The following SET variants were observed in gnomAD, a reference collection of about 807,000 sequenced individuals.
SET encodes the protein SET nuclear proto-oncogene.
Under a neutral mutation model 39.0 loss-of-function variants are expected in SET, and 4 were observed. That is an observed-to-expected ratio of 0.10 (90% CI 0.05 to 0.23). The LOEUF (loss-of-function observed/expected upper bound fraction) is 0.23. SET is among the 10% of genes least tolerant of loss of function. The probability of loss-of-function intolerance (pLI) is 1.00; values close to 1 mark genes in which losing one functional copy is unlikely to be tolerated. For missense variants in SET, 137 were observed against 329.7 expected (o/e 0.42, Z 4.53); for synonymous variants, 114 against 115.9 (o/e 0.98, Z 0.11).
chr9:128,688,811 G>A (rs999927721), upstream of SET, among the ~76,000 whole-genome samples: 22 of 152,304 alleles, frequency 1.4e-4, no homozygotes, highest in African/African-American at 5.3e-4. Flanking sequence ...AGTGGAAGGC[G>A]CCGAGAGGCC....
upstream of SET, among the ~76,000 whole-genome samples, chr9:128,688,700 G>C (rs1861373076): frequency 6.6e-6 from 1 of 152,046 alleles, no homozygotes; most frequent in Non-Finnish European, 1.5e-5. Flanking sequence ...CCTGCGCGCG[G>C]ATTACACAGC....
chr9:128,691,022 C>G (rs986649156), intron 1 of SET, 148 bp from the exon 2 acceptor site: 1 of 725,884 alleles, frequency 1.4e-6, no homozygotes, highest in Non-Finnish European at 2.5e-6. Flanking sequence ...AGAAATTAGT[C>G]AGCTACAAGC....
intron 3 of SET, chr9:128,692,459 C>A: frequency 1.0e-5 from 3 of 288,532 alleles, no homozygotes; most frequent in Admixed American, 5.1e-5. Flanking sequence ...CTACTGCTTT[C>A]TATTCTGTTT....
In SET at chr9:128,691,232, C is replaced by T; in HGVS notation, c.131+5C>T. Reference sequence around the variant, plus strand: ...AGTACAAAATGAAATAGACAGGTAACATTTTTCTTAATATACTTCGGAGAA... The same window carrying T: ...AGTACAAAATGAAATAGACAGGTAATATTTTTCTTAATATACTTCGGAGAA... On this transcript the variant is annotated splice_donor_5th_base_variant and intron_variant, in intron 2 of 7. Coordinates refer to ENST00000322030, the MANE Select transcript of SET (RefSeq NM_003011.4). 2.5e-6 allele frequency: 4 copies of T among 1,578,392 alleles called. No homozygotes were observed. The highest frequency in any genetic ancestry group is 3.5e-6 in the Non-Finnish European group (4 of 1,155,740).
At chr9:128,688,726 C>G (rs1240882315), upstream of SET, among the ~76,000 whole-genome samples, 1 of 152,188 alleles carries the variant, frequency 6.6e-6, no homozygotes, top group Non-Finnish European at 1.5e-5. Context: ...GCTTCGCACA[C>G]GAGCCCGAGT....
chr9:128,692,117 G>C (rs1002899129), intron 3 of SET, 117 bp downstream of exon 3: 2 of 1,245,596 alleles, frequency 1.6e-6, no homozygotes, highest in African/African-American at 1.5e-5. Flanking sequence ...GGCTGGGTGC[G>C]GTGGCGCACC....
intron 1 of SET, chr9:128,690,825 G>A (rs1022148700): frequency 3.8e-6 from 1 of 262,340 alleles, no homozygotes; most frequent in Non-Finnish European, 7.4e-6. Context: ...CTGTTCTCTT[G>A]CAAGTGTATA....
At chr9:128,686,029 C>A (rs550476799), upstream of SET, among the ~76,000 whole-genome samples, 1,494 of 139,924 alleles carry the variant, frequency 0.011, 18 homozygotes, top group East Asian at 0.041. Flanking sequence ...ACAACAACAA[C>A]AAAAAAAAAA....
In SET at chr9:128,691,924, A is replaced by G. The variant is rs372830096; in HGVS notation, c.198A>G (p.Pro66=). 58 of 1,613,676 alleles carry G rather than the reference A, an allele frequency of 3.6e-5. No homozygotes were observed. Among genetic ancestry groups the G allele is most frequent in the Non-Finnish European group, 4.6e-5 (54 of 1,179,834 alleles). Residue 66 remains proline, a synonymous_variant, in exon 3 of 8, where the codon CCA becomes CCG. Coordinates refer to ENST00000322030, the MANE Select transcript of SET (RefSeq NM_003011.4). The stretch of plus-strand genomic sequence containing the variant: ...AGAAATATAACAAACTCCGCCAACC[A>G]TTTTTTCAGAAGAGGTCAGAATTGA... The part of the protein sequence containing the change: ...VEQKYNKLRQ[P]FFQKRSELIA...
chr9:128,687,617 CAAA>C (rs57072661), upstream of SET, among the ~76,000 whole-genome samples: 430 of 79,632 alleles, frequency 5.4e-3, 2 homozygotes, highest in East Asian at 0.038. Context: ...CCTCCCCCAC[CAAA>C]AAAAAAAAAA....
At position 128,696,279 on chromosome 9, in the gene SET, A is replaced by C. The variant is rs1435330249; in HGVS notation, c.*1615A>C. 1.0e-5 allele frequency: 2 copies of C among 197,478 alleles called. No homozygotes were observed. The highest frequency in any genetic ancestry group is 2.3e-5 in the African/African-American group (1 of 43,594). The allele number at this position is 197,478 out of a possible 1,614,324, so 12.2% of individuals were successfully genotyped here. ...TATTCCATCAATAGGCAAAAGTGTAACAACCTATCTAGATGGATAGTATGT... is the reference window on the plus strand; with the variant it reads ...TATTCCATCAATAGGCAAAAGTGTACCAACCTATCTAGATGGATAGTATGT... On this transcript the variant is annotated 3_prime_UTR_variant, in exon 8 of 8. Transcript: ENST00000322030.
At chr9:128,690,776 T>A (rs906233167) in intron 1 of SET, 8 of 213,684 alleles carry the variant, frequency 3.7e-5, no homozygotes, top group Non-Finnish European at 6.7e-5. Flanking sequence ...TGTATCATTG[T>A]CATGGGTTTA....
chr9:128,689,573 G>A lies in SET; in HGVS notation c.-10G>A. ...CCTCCCCGCTCCCCCCCCGACCGCG[G>A]AGCAGCACCATGTCGGCGCCGGCGG... On this transcript the variant is annotated 5_prime_UTR_variant, in exon 1 of 8. Coordinates refer to ENST00000322030, the MANE Select transcript of SET (RefSeq NM_003011.4). 2.2e-6 allele frequency: 3 copies of A among 1,355,356 alleles called. No individual in the cohort carries two copies. Among genetic ancestry groups the A allele is most frequent in the Non-Finnish European group, 2.9e-6 (3 of 1,034,626 alleles). 84.0% of individuals were successfully genotyped at this position (1,355,356 alleles called of 1,614,324 possible).
At chr9:128,688,998 C>T (rs1404077130), upstream of SET, among the ~76,000 whole-genome samples, 1 of 151,588 alleles carries the variant, frequency 6.6e-6, no homozygotes, top group East Asian at 1.9e-4. Flanking sequence ...CGCCAGTGTC[C>T]TGGGTCGGGC....
At chr9:128,689,880 G>C in intron 1 of SET, 1 of 189,988 alleles carries the variant, frequency 5.3e-6, no homozygotes, top group South Asian at 1.7e-4. Flanking sequence ...CGGGGGCGCT[G>C]CGGCCTGCTC....
intron 7 of SET, among the ~76,000 whole-genome samples, chr9:128,694,403 A>ATT (rs1861656048): frequency 6.6e-6 from 1 of 152,172 alleles, no homozygotes; most frequent in South Asian, 2.1e-4. Context: ...GAATAGTCAA[A>ATT]TTAGGATAGG....
intron 1 of SET, chr9:128,690,837 T>G (rs955411229): frequency 2.0e-5 from 6 of 307,022 alleles, no homozygotes; most frequent in Admixed American, 9.6e-5. Flanking sequence ...AAGTGTATAA[T>G]GTGAAATAAT....
rs909323790 is a variant in SET at position 128,689,289 on chromosome 9, C to T, written c.-294C>T. The stretch of plus-strand genomic sequence containing the variant: ...AGCGAGCAGCGAGCTGGCTGGATCG[C>T]CGAGCGCGAGTGAGGGAGCCGAGCC... On this transcript the variant is annotated 5_prime_UTR_variant, in exon 1 of 8. Coordinates refer to ENST00000322030, the MANE Select transcript of SET (RefSeq NM_003011.4). The T allele has an allele frequency of 1.3e-5, 13 of 1,017,396 alleles. No homozygotes were observed. Among genetic ancestry groups the T allele is most frequent in the South Asian group, 4.5e-5 (1 of 22,312 alleles). 63.0% of individuals were successfully genotyped at this position (1,017,396 alleles called of 1,614,324 possible). A position where few individuals can be genotyped will look rare whatever the true frequency, so the allele number is the denominator to read the frequency against.
Position 128,691,233 on chromosome 9 carries a change from A to G in SET, c.131+6A>G. ...GTACAAAATGAAATAGACAGGTAAC[A>G]TTTTTCTTAATATACTTCGGAGAAA... On this transcript the variant is annotated splice_donor_region_variant and intron_variant, in intron 2 of 7. Transcript: ENST00000322030. 1.3e-6 allele frequency: 2 copies of G among 1,565,364 alleles called. No homozygotes were observed. The highest frequency in any genetic ancestry group is 2.2e-5 in the East Asian group (1 of 44,588).
Sources: gnomAD v4.1 joint callset for allele counts (sites outside exome capture counted in the v4.1 genomes callset) on GRCh38, gnomAD v4.1.1 for gene constraint, MANE v1.5 for transcripts, NCBI Gene and HGNC (gene_info 2026-07-23, HGNC 2026-07-21) for gene names.